ARFIP2: variants seen among roughly 807,000 people sequenced by gnomAD.
ARFIP2 encodes ARF interacting protein 2, also known as arfaptin-2.
In ARFIP2, 14 loss-of-function variants were observed where a neutral mutation model predicts 39.2. The ratio of observed to expected loss-of-function variants is 0.36; its 90% confidence interval spans 0.24 to 0.56. The LOEUF (loss-of-function observed/expected upper bound fraction) is 0.56. ARFIP2 is among the 20% of genes least tolerant of loss of function. The probability of loss-of-function intolerance (pLI) is 0.85; values close to 1 mark genes in which losing one functional copy is unlikely to be tolerated. For synonymous variants in ARFIP2, 167 were observed against 172.4 expected (o/e 0.97, Z 0.24); for missense variants, 305 against 422.5 (o/e 0.72, Z 2.44).
Position 6,478,868 on chromosome 11 carries a change from G to A in ARFIP2, c.407C>T (p.Thr136Met), listed in dbSNP as rs755818368. The change falls in exon 5 of 8, where the codon ACG becomes ATG. Residue 136 changes from threonine to methionine, a missense_variant. By Grantham distance (81) the Thr-to-Met change is moderately conservative. Transcript: ENST00000396777. This position sits in a 1 kb window ranked among gnomAD's most constrained non-coding sequence, Gnocchi z 4.8. ...LELQIELLRE[T>M]KRKYESVLQL... ...CAGGACACTCTCATACTTGCGCTTC[G>A]TCTCACGCAGCAACTCAATCTGCAG... is the stretch of plus-strand genomic sequence containing the variant. 5 of 1,614,046 alleles carry A rather than the reference G, an allele frequency of 3.1e-6. No individual in the cohort carries two copies. The highest frequency in any genetic ancestry group is 1.7e-5 in the Admixed American group (1 of 59,992).
intron 1 of ARFIP2, 46 bp downstream of exon 1, chr11:6,481,185 A>C: frequency 4.0e-6 from 2 of 506,044 alleles, no homozygotes; most frequent in Admixed American, 3.6e-5. Flanking sequence ...CCCTCTGGAC[A>C]GGTTTGTGCG....
intron 2 of ARFIP2, 84 bp downstream of exon 2, chr11:6,480,239 G>T: frequency 7.0e-7 from 1 of 1,431,866 alleles, no homozygotes; most frequent in South Asian, 1.2e-5. Context: ...GTCAGGGGAA[G>T]GCTACTGGAA....
Position 6,478,962 on chromosome 11 carries a change from G to A in ARFIP2, c.316-3C>T, listed in dbSNP as rs1851414398. ...TCTGATAACAGTTGCTTTGTGCACTGATTGGGAAATGGGGGAATAAATCAG... is the reference window on the plus strand; with the variant it reads ...TCTGATAACAGTTGCTTTGTGCACTAATTGGGAAATGGGGGAATAAATCAG... On this transcript the variant is annotated splice_region_variant and splice_polypyrimidine_tract_variant and intron_variant, in intron 4 of 7. Coordinates refer to ENST00000396777, the MANE Select transcript of ARFIP2 (RefSeq NM_001376558.2). The surrounding 1 kb of genome is among the most constrained non-coding windows in gnomAD (Gnocchi z 4.8). 2.5e-6 allele frequency: 4 copies of A among 1,613,570 alleles called. No individual in the cohort carries two copies. Among genetic ancestry groups the A allele is most frequent in the Non-Finnish European group, 3.4e-6 (4 of 1,179,558 alleles).
chr11:6,480,645 AG>A (rs934243737), intron 1 of ARFIP2, 182 bp from the exon 2 acceptor site: 1 of 476,240 alleles, frequency 2.1e-6, no homozygotes, highest in African/African-American at 2.0e-5. Context: ...GGCACACCAA[AG>A]CACGGTGTCT....
At chr11:6,479,040 C>T in intron 4 of ARFIP2, 81 bp from the exon 5 acceptor site, 2 of 1,578,834 alleles carry the variant, frequency 1.3e-6, no homozygotes, top group Non-Finnish European at 1.7e-6. Flanking sequence ...ACCCCCCAGG[C>T]TCCTACTCTC....
chr11:6,480,742 C>T (rs1589855822), intron 1 of ARFIP2: 3 of 255,672 alleles, frequency 1.2e-5, no homozygotes, highest in Admixed American at 9.9e-5. Context: ...TACTATGTGT[C>T]AGGCACTATT....
intron 3 of ARFIP2, 168 bp from the exon 4 acceptor site, chr11:6,479,426 G>T: frequency 7.1e-7 from 1 of 1,398,746 alleles, no homozygotes; most frequent in South Asian, 1.3e-5. Flanking sequence ...TGCGCGGTGA[G>T]AACCAAATCC....
chr11:6,477,045 A>G lies in ARFIP2; in HGVS notation c.*68T>C. 1 of 1,504,858 alleles carries G rather than the reference A, an allele frequency of 6.6e-7. No individual in the cohort carries two copies. Among genetic ancestry groups the G allele is most frequent in the Non-Finnish European group, 8.9e-7 (1 of 1,118,250 alleles). 93.2% of individuals were successfully genotyped at this position (1,504,858 alleles called of 1,614,324 possible). A position where few individuals can be genotyped will look rare whatever the true frequency, so the allele number is the denominator to read the frequency against. On this transcript the variant is annotated 3_prime_UTR_variant, in exon 8 of 8. Coordinates refer to ENST00000396777, the MANE Select transcript of ARFIP2 (RefSeq NM_001376558.2). The surrounding 1 kb of genome is among the most constrained non-coding windows in gnomAD (Gnocchi z 4.8). ...AAGTGACAAAGGATGTACCATGTCC[A>G]ATCTCCCACACCCTGGGGCTGCCCT...
Position 6,477,874 on chromosome 11 carries a change from G to A in ARFIP2, c.714C>T (p.Tyr238=). 1 of 1,613,940 alleles carries A rather than the reference G, an allele frequency of 6.2e-7. No homozygotes were observed. The highest frequency in any genetic ancestry group is 8.5e-7 in the Non-Finnish European group (1 of 1,179,956). Residue 238 remains tyrosine (Y), a synonymous_variant, in exon 7 of 8, where the codon TAC becomes TAT. Coordinates refer to ENST00000396777, the MANE Select transcript of ARFIP2 (RefSeq NM_001376558.2). The surrounding 1 kb of genome is among the most constrained non-coding windows in gnomAD (Gnocchi z 4.8). ...GACTCAGCTCCTCTAAGTCTGTTCG[G>A]TAGGCATCATATTCCAGCCTGGGGA... ...YEAARLEYDA[Y]RTDLEELSLG...
At chr11:6,479,331 C>T in intron 3 of ARFIP2, 73 bp from the exon 4 acceptor site, 2 of 1,611,010 alleles carry the variant, frequency 1.2e-6, no homozygotes, top group Admixed American at 1.7e-5. Context: ...ACCCATACTT[C>T]TCTTCGAGCA....
chr11:6,476,943 G>T lies in ARFIP2; in HGVS notation c.*170C>A. ...AGGGCAGCAACTTCTGGGCCTCCAG[G>T]CCCTCTTCCCACCATAGCAATGTGG... On this transcript the variant is annotated 3_prime_UTR_variant, in exon 8 of 8. Coordinates refer to ENST00000396777, the MANE Select transcript of ARFIP2 (RefSeq NM_001376558.2). 1 of 708,712 alleles carries T rather than the reference G, an allele frequency of 1.4e-6. No individual in the cohort carries two copies. Among genetic ancestry groups the T allele is most frequent in the African/African-American group, 1.8e-5 (1 of 55,818 alleles). The allele number at this position is 708,712 out of a possible 1,614,324, so 43.9% of individuals were successfully genotyped here. A position where few individuals can be genotyped will look rare whatever the true frequency, so the allele number is the denominator to read the frequency against.
chr11:6,476,947 T>C lies in ARFIP2; in HGVS notation c.*166A>G. 1.3e-6 allele frequency: 1 copy of C among 751,570 alleles called. No homozygotes were observed. Among genetic ancestry groups the C allele is most frequent in the South Asian group, 2.1e-5 (1 of 48,074 alleles). 46.6% of individuals were successfully genotyped at this position (751,570 alleles called of 1,614,324 possible). ...CAGCAACTTCTGGGCCTCCAGGCCC[T>C]CTTCCCACCATAGCAATGTGGGCAA... On this transcript the variant is annotated 3_prime_UTR_variant, in exon 8 of 8. Transcript: ENST00000396777.
Position 6,478,607 on chromosome 11 carries a change from GCT to G in ARFIP2, c.537+129_537+130del, listed in dbSNP as rs1851364271. 2 of 1,477,194 alleles carry G rather than the reference GCT, an allele frequency of 1.4e-6. No homozygotes were observed. Among genetic ancestry groups the G allele is most frequent in the Non-Finnish European group, 1.8e-6 (2 of 1,113,146 alleles). The allele number at this position is 1,477,194 out of a possible 1,614,324, so 91.5% of individuals were successfully genotyped here. On this transcript the variant is annotated intron_variant, in intron 5 of 7. Transcript: ENST00000396777. This position sits in a 1 kb window ranked among gnomAD's most constrained non-coding sequence, Gnocchi z 4.8. ...TAGGCTGCCTCCACAGGTGAGTGCT[GCT>G]GGGGGTAGGGCTGGGCCCACCCTGA...
chr11:6,477,107 A>G lies in ARFIP2; in HGVS notation c.*6T>C, dbSNP rs1851154130. 6.2e-7 allele frequency: 1 copy of G among 1,606,864 alleles called. No homozygotes were observed. The highest frequency in any genetic ancestry group is 1.3e-5 in the African/African-American group (1 of 74,840). ...TTCTTGATAGCCAAGTTGGGCTGGG[A>G]GCAGCTCACTGCTCCTCTAGCCAGG... On this transcript the variant is annotated 3_prime_UTR_variant, in exon 8 of 8. Coordinates refer to ENST00000396777, the MANE Select transcript of ARFIP2 (RefSeq NM_001376558.2). The surrounding 1 kb of genome is among the most constrained non-coding windows in gnomAD (Gnocchi z 4.8).
rs754126797 is a variant in ARFIP2, at chr11:6,479,360, G to C, written c.197-102C>G. The C allele has an allele frequency of 2.4e-5, 38 of 1,604,884 alleles. No homozygotes were observed. The East Asian group carries it at 8.0e-4, about 34-fold the overall frequency. On this transcript the variant is annotated intron_variant, in intron 3 of 7. Coordinates refer to ENST00000396777, the MANE Select transcript of ARFIP2 (RefSeq NM_001376558.2). Reference sequence around the variant, plus strand: ...TCGAGCACATGAAATTGACTTCCCTGAAGGAGATGCTAGAGACAACTGGAT... The same window carrying C: ...TCGAGCACATGAAATTGACTTCCCTCAAGGAGATGCTAGAGACAACTGGAT...
Position 6,480,428 on chromosome 11 carries a change from G to T in ARFIP2, c.-7C>A. ...CTAGGATCCCGTCCGTCATGGCTAG[G>T]AAAGGTATTGGAGTAAAACTCTCCA... On this transcript the variant is annotated 5_prime_UTR_variant, in exon 2 of 8. Coordinates refer to ENST00000396777, the MANE Select transcript of ARFIP2 (RefSeq NM_001376558.2). The T allele has an allele frequency of 6.2e-7, 1 of 1,606,174 alleles. No individual in the cohort carries two copies. Among genetic ancestry groups the T allele is most frequent in the South Asian group, 1.1e-5 (1 of 89,796 alleles).
chr11:6,480,528 G>T, intron 1 of ARFIP2, 65 bp from the exon 2 acceptor site: 1 of 821,086 alleles, frequency 1.2e-6, no homozygotes, highest in Non-Finnish European at 1.9e-6. Context: ...GGCCTCCTCT[G>T]TCATTTCTTT....
intron 4 of ARFIP2, 75 bp from the exon 5 acceptor site, chr11:6,479,034 C>T (rs59266898): frequency 3.8e-6 from 6 of 1,580,678 alleles, no homozygotes; most frequent in African/African-American, 2.7e-5. Context: ...CCCAGCACCC[C>T]CCAGGCTCCT....
At chr11:6,480,902 T>G (rs1259301152) in intron 1 of ARFIP2, 1 of 169,338 alleles carries the variant, frequency 5.9e-6, no homozygotes, top group Non-Finnish European at 1.3e-5. Context: ...TGCTTGGCCT[T>G]TCACATTCCT....
Sources: allele counts gnomAD v4.1 joint callset, GRCh38; gene constraint gnomAD v4.1.1; non-coding constraint Gnocchi (gnomAD v3.1); transcripts MANE v1.5; gene names NCBI Gene and HGNC (gene_info 2026-07-23, HGNC 2026-07-21).